Variants in ATXN10 observed in about 807,000 individuals in gnomAD.
ATXN10 encodes ataxin-10.
Under a neutral mutation model 52.9 loss-of-function variants are expected in ATXN10, and 28 were observed. The observed-to-expected ratio is 0.53, with a 90% CI of 0.39 to 0.73. The LOEUF (loss-of-function observed/expected upper bound fraction) is 0.73, where lower values mean the gene tolerates loss of function less well. ATXN10 is among the 30% of genes least tolerant of loss of function. The pLI, the probability that ATXN10 is intolerant of heterozygous loss-of-function variation, is 0.00. For missense variants in ATXN10, 565 were observed against 577.0 expected, an observed-to-expected ratio of 0.98 and a Z score of 0.21; for synonymous variants, 226 against 221.5, an observed-to-expected ratio of 1.02 and a Z score of -0.18.
intron 10 of ATXN10, chr22:45,811,637 G>T (rs1601661320): frequency 6.6e-6 from 3 of 452,028 alleles, no homozygotes; most frequent in Non-Finnish European, 1.4e-5. Flanking sequence ...AGGTAATATA[G>T]CCTAGAATGT....
intron 10 of ATXN10, among the ~76,000 whole-genome samples, chr22:45,812,449 C>T (rs755328300): frequency 2.0e-5 from 3 of 152,084 alleles, no homozygotes; most frequent in South Asian, 2.1e-4. Context: ...TGTATGTGTG[C>T]GTGTGCATGT....
intron 9 of ATXN10, among the ~76,000 whole-genome samples, chr22:45,764,891 A>C (rs372629523): frequency 1.2e-4 from 19 of 152,276 alleles, no homozygotes; most frequent in African/African-American, 4.3e-4. Context: ...TGTCTGTTTT[A>C]AATTGTTGTG....
chr22:45,804,100 T>G (rs1928020051), intron 9 of ATXN10, among the ~76,000 whole-genome samples: 1 of 152,226 alleles, frequency 6.6e-6, no homozygotes, highest in Non-Finnish European at 1.5e-5. Flanking sequence ...ATCGTAAGAT[T>G]CAGCAGACAC....
At position 45,818,123 on chromosome 22, in the gene ATXN10, C is replaced by T. The variant is rs1928526415; in HGVS notation, c.1237+11101C>T. ...ACAAGTAAATATTCCAAGTTGTGCTCCTTCAGGTTTTGTCTACTCAGCTTT... is the reference window on the plus strand; with the variant it reads ...ACAAGTAAATATTCCAAGTTGTGCTTCTTCAGGTTTTGTCTACTCAGCTTT... On this transcript the variant is annotated intron_variant, in intron 10 of 11. Coordinates refer to ENST00000252934, the MANE Select transcript of ATXN10 (RefSeq NM_013236.4). This position sits in a 1 kb window ranked among gnomAD's most constrained non-coding sequence, Gnocchi z 4.6. Among the ~76,000 whole-genome samples the T allele has an allele frequency of 1.3e-5, 2 of 152,310 alleles. No homozygotes were observed. Among genetic ancestry groups the T allele is most frequent in the Admixed American group, 1.3e-4 (2 of 15,300 alleles).
rs1304203599 is a variant in ATXN10 at position 45,826,334 on chromosome 22, C to T, written c.1238-16657C>T. On this transcript the variant is annotated intron_variant, in intron 10 of 11. Coordinates refer to ENST00000252934, the MANE Select transcript of ATXN10 (RefSeq NM_013236.4). The surrounding 1 kb of genome is among the most constrained non-coding windows in gnomAD (Gnocchi z 5.0). ...GAACACCATCAAGCCAACCAACATACGCATTGTGGGAAACAAGGAAAAAGA... is the reference window on the plus strand; with the variant it reads ...GAACACCATCAAGCCAACCAACATATGCATTGTGGGAAACAAGGAAAAAGA... Among the ~76,000 whole-genome samples the T allele has an allele frequency of 6.6e-6, 1 of 152,094 alleles. No homozygotes were observed. The highest frequency in any genetic ancestry group is 6.5e-5 in the Admixed American group (1 of 15,268).
intron 9 of ATXN10, among the ~76,000 whole-genome samples, chr22:45,803,780 G>C (rs1291343913): frequency 6.6e-6 from 1 of 152,124 alleles, no homozygotes; most frequent in Non-Finnish European, 1.5e-5. Flanking sequence ...ACGTGGGGCA[G>C]GTTATCAGAG....
rs1926918329 is a variant in ATXN10, at chr22:45,775,451, A to G, written c.1174-31508A>G. On this transcript the variant is annotated intron_variant, in intron 9 of 11. Transcript: ENST00000252934. This position sits in a 1 kb window ranked among gnomAD's most constrained non-coding sequence, Gnocchi z 4.7. ...CTTGCTGAAAGTTTATATTCATTCC[A>G]TATTTAGTTGTCTTTATTCTGTTCA... Among the ~76,000 whole-genome samples the G allele has an allele frequency of 6.6e-6, 1 of 152,202 alleles. No individual in the cohort carries two copies. Among genetic ancestry groups the G allele is most frequent in the African/African-American group, 2.4e-5 (1 of 41,448 alleles).
rs986423535 is a variant in ATXN10, at chr22:45,789,536, A to G, written c.1174-17423A>G. ...ATGGACGCTATACAGCTCAACTCAA[A>G]GAGGGATTCAATTGTCACCGCCCTG... On this transcript the variant is annotated intron_variant, in intron 9 of 11. Transcript: ENST00000252934. The surrounding 1 kb of genome is among the most constrained non-coding windows in gnomAD (Gnocchi z 4.0). 4.6e-5 allele frequency among the ~76,000 whole-genome samples: 7 copies of G among 152,208 alleles called. No individual in the cohort carries two copies. The highest frequency in any genetic ancestry group is 1.7e-4 in the African/African-American group (7 of 41,454).
rs1429518004 is a variant in ATXN10 at position 45,828,804 on chromosome 22, G to T, written c.1238-14187G>T. Reference sequence around the variant, plus strand: ...CACAAAGAAAAGCCCTAAACCTGATGCCTTCACTGGTGAATTCTAGCAAAC... The same window carrying T: ...CACAAAGAAAAGCCCTAAACCTGATTCCTTCACTGGTGAATTCTAGCAAAC... On this transcript the variant is annotated intron_variant, in intron 10 of 11. Transcript: ENST00000252934. The surrounding 1 kb of genome is among the most constrained non-coding windows in gnomAD (Gnocchi z 4.5). Among the ~76,000 whole-genome samples, 2 of 152,150 alleles carry T rather than the reference G, an allele frequency of 1.3e-5. No individual in the cohort carries two copies. The highest frequency in any genetic ancestry group is 1.3e-4 in the Admixed American group (2 of 15,282).
chr22:45,773,452 A>G (rs1162029900), intron 9 of ATXN10, among the ~76,000 whole-genome samples: 7 of 146,810 alleles, frequency 4.8e-5, no homozygotes, highest in Non-Finnish European at 9.3e-5. Context: ...AGAATTATTT[A>G]TTTATTTATT....
intron 9 of ATXN10, among the ~76,000 whole-genome samples, chr22:45,778,151 G>T (rs899119424): frequency 6.6e-6 from 1 of 152,194 alleles, no homozygotes; most frequent in African/African-American, 2.4e-5. Flanking sequence ...CTGACTTAAT[G>T]CAATAAAAAA....
chr22:45,754,642 C>T lies in ATXN10; in HGVS notation c.1173+14104C>T, dbSNP rs1391123977. ...CCGAGGCCAGCGGATCACCTGAGGT[C>T]AGGAGTTCGAGACCAGTCTGACCAA... is the stretch of plus-strand genomic sequence containing the variant. On this transcript the variant is annotated intron_variant, in intron 9 of 11. Coordinates refer to ENST00000252934, the MANE Select transcript of ATXN10 (RefSeq NM_013236.4). This position sits in a 1 kb window ranked among gnomAD's most constrained non-coding sequence, Gnocchi z 5.4. Among the ~76,000 whole-genome samples, 1 of 152,182 alleles carries T rather than the reference C, an allele frequency of 6.6e-6. No homozygotes were observed. Among genetic ancestry groups the T allele is most frequent in the Non-Finnish European group, 1.5e-5 (1 of 68,040 alleles).
chr22:45,796,950 A>C (rs1927763112), intron 9 of ATXN10, among the ~76,000 whole-genome samples: 1 of 152,242 alleles, frequency 6.6e-6, no homozygotes, highest in Admixed American at 6.5e-5. Flanking sequence ...TATTAGACAA[A>C]ATAGACCTAA....
intron 7 of ATXN10, among the ~76,000 whole-genome samples, chr22:45,734,741 A>C (rs1401196153): frequency 6.6e-6 from 1 of 151,748 alleles, no homozygotes; most frequent in Non-Finnish European, 1.5e-5. Flanking sequence ...TCTTTTGACT[A>C]TCCAAGATTA....
intron 9 of ATXN10, among the ~76,000 whole-genome samples, chr22:45,749,971 T>C (rs908659012): frequency 6.6e-6 from 1 of 152,202 alleles, no homozygotes; most frequent in Non-Finnish European, 1.5e-5. Context: ...AAGGGAGACA[T>C]TGGGGAAGTA....
intron 1 of ATXN10, among the ~76,000 whole-genome samples, chr22:45,680,300 A>G (rs1413733367): frequency 6.6e-6 from 1 of 152,186 alleles, no homozygotes; most frequent in Non-Finnish European, 1.5e-5. Context: ...CATCAATGAG[A>G]ATATTATAAA....
chr22:45,817,319 T>A (rs1328549324), intron 10 of ATXN10, among the ~76,000 whole-genome samples: 1 of 2,438 alleles, frequency 4.1e-4, no homozygotes, highest in Non-Finnish European at 8.2e-4. Flanking sequence ...TTGATTTAAC[T>A]TTTTTTTTTT....
In ATXN10 at chr22:45,843,541, A is replaced by G; in HGVS notation, c.1426-128A>G. On this transcript the variant is annotated intron_variant, in intron 11 of 11. Transcript: ENST00000252934. The surrounding 1 kb of genome is among the most constrained non-coding windows in gnomAD (Gnocchi z 4.5). Reference sequence around the variant, plus strand: ...GAACTCCTTGAATAATATTGCATGAATTGTTTTAGGTTTCTCTAAGTTATT... The same window carrying G: ...GAACTCCTTGAATAATATTGCATGAGTTGTTTTAGGTTTCTCTAAGTTATT... 3.6e-6 allele frequency: 3 copies of G among 832,320 alleles called. No individual in the cohort carries two copies. The highest frequency in any genetic ancestry group is 1.5e-5 in the South Asian group (1 of 67,896). 51.6% of individuals were successfully genotyped at this position (832,320 alleles called of 1,614,324 possible). A position where few individuals can be genotyped will look rare whatever the true frequency, so the allele number is the denominator to read the frequency against.
In ATXN10 at chr22:45,700,296, C is replaced by T. The variant is rs142611714; in HGVS notation, c.406C>T (p.Leu136=). The T allele has an allele frequency of 6.2e-7, 1 of 1,612,916 alleles. No homozygotes were observed. The highest frequency in any genetic ancestry group is 8.5e-7 in the Non-Finnish European group (1 of 1,179,152). Residue 136 remains leucine, a synonymous_variant, in exon 4 of 12, where the codon CTG becomes TTG. Transcript: ENST00000252934. The part of the protein sequence containing the change: ...ESLLTAFRCG[L]QFLGNIASRN... ...TATATTCTTAGCTTTTCGCTGTGGCCTGCAGTTTTTAGGCAACATTGCCTC... is the reference window on the plus strand; with the variant it reads ...TATATTCTTAGCTTTTCGCTGTGGCTTGCAGTTTTTAGGCAACATTGCCTC...
Sources: gnomAD v4.1 joint callset for allele counts (sites outside exome capture counted in the v4.1 genomes callset) on GRCh38, gnomAD v4.1.1 for gene constraint, Gnocchi (gnomAD v3.1) non-coding constraint, MANE v1.5 for transcripts, NCBI Gene and HGNC (gene_info 2026-07-23, HGNC 2026-07-21) for gene names.